BRMS1L: variants seen among roughly 807,000 people sequenced by gnomAD.
The protein encoded by BRMS1L is breast cancer metastasis-suppressor 1-like protein.
In BRMS1L, 23 loss-of-function variants were observed where a neutral mutation model predicts 50.3. The observed-to-expected ratio is 0.46, with a 90% CI of 0.33 to 0.65. BRMS1L has a LOEUF of 0.65. Among genes scored for constraint, BRMS1L ranks in the 30% least tolerant of loss-of-function variants. The pLI is 0.02. For synonymous variants in BRMS1L, 114 were observed against 126.9 expected, an observed-to-expected ratio of 0.90 and a Z score of 0.69; for missense variants, 286 against 386.1, an observed-to-expected ratio of 0.74 and a Z score of 2.17.
chr14:35,844,921 C>T (rs1222259463), intron 4 of BRMS1L, among the ~76,000 whole-genome samples: 1 of 152,122 alleles, frequency 6.6e-6, no homozygotes, highest in Non-Finnish European at 1.5e-5. Flanking sequence ...CACTGTATCG[C>T]CCAGGCTGGA....
chr14:35,841,485 G>A (rs1342463256), intron 4 of BRMS1L, among the ~76,000 whole-genome samples: 1 of 152,056 alleles, frequency 6.6e-6, no homozygotes, highest in Non-Finnish European at 1.5e-5. Flanking sequence ...TTTTAGTAGA[G>A]ATGGGGTTTC....
intron 4 of BRMS1L, among the ~76,000 whole-genome samples, chr14:35,846,403 A>G (rs1202421928): frequency 1.3e-5 from 2 of 151,876 alleles, no homozygotes; most frequent in African/African-American, 2.4e-5. Context: ...CTAAAAAAAA[A>G]AAAAAAGAAA....
chr14:35,830,725 T>C (rs1403038209), intron 1 of BRMS1L, among the ~76,000 whole-genome samples: 2 of 152,124 alleles, frequency 1.3e-5, no homozygotes, highest in Admixed American at 1.3e-4. Context: ...ATCCCAAAAA[T>C]GTTTTTGAGC....
At chr14:35,829,476 A>T (rs1207274629) in intron 1 of BRMS1L, among the ~76,000 whole-genome samples, 1 of 152,238 alleles carries the variant, frequency 6.6e-6, no homozygotes, top group Non-Finnish European at 1.5e-5. Context: ...TTTTAAGTGC[A>T]AAGAAATTGT....
chr14:35,862,670 C>G lies in BRMS1L; in HGVS notation c.522C>G (p.Ser174Arg), dbSNP rs2078367814. ...GAAGGCTTGAAGAGGATAGGCACAG[C>G]ATTGATATTACCTCAGGTAAGGAGA... Reference protein sequence around the residue: ...KIRRLEEDRHSIDITSELWND... With the variant: ...KIRRLEEDRHRIDITSELWND... The change falls in exon 5 of 10, where the codon AGC becomes AGG. Residue 174 changes from serine to arginine, a missense_variant. Ser to Arg is a moderately radical substitution (Grantham distance 110). Transcript: ENST00000216807. The G allele has an allele frequency of 6.2e-7, 1 of 1,608,030 alleles. No homozygotes were observed. The highest frequency in any genetic ancestry group is 1.3e-5 in the African/African-American group (1 of 74,738).
At chr14:35,844,065 T>C (rs1397405928) in intron 4 of BRMS1L, among the ~76,000 whole-genome samples, 1 of 152,196 alleles carries the variant, frequency 6.6e-6, no homozygotes, top group Non-Finnish European at 1.5e-5. Flanking sequence ...CCAGGTCAAC[T>C]TCAGACTGCT....
chr14:35,870,533 C>G lies in BRMS1L; in HGVS notation c.*56C>G. 1 of 1,055,374 alleles carries G rather than the reference C, an allele frequency of 9.5e-7. No homozygotes were observed. Among genetic ancestry groups the G allele is most frequent in the Admixed American group, 2.1e-5 (1 of 46,610 alleles). The allele number at this position is 1,055,374 out of a possible 1,614,324, so 65.4% of individuals were successfully genotyped here. ...TATTAGTGTTACCAAATGTAAGTGC[C>G]ATGAGAGTAAAAAAATGTATTCAAT... is the stretch of plus-strand genomic sequence containing the variant. On this transcript the variant is annotated 3_prime_UTR_variant, in exon 10 of 10. Transcript: ENST00000216807.
intron 4 of BRMS1L, among the ~76,000 whole-genome samples, chr14:35,837,317 T>C (rs927579161): frequency 3.7e-4 from 56 of 152,256 alleles, no homozygotes; most frequent in African/African-American, 1.3e-3. Flanking sequence ...ATAGGTAATG[T>C]CAACACTATT....
At chr14:35,846,861 T>C (rs1329288617) in intron 4 of BRMS1L, among the ~76,000 whole-genome samples, 1 of 152,140 alleles carries the variant, frequency 6.6e-6, no homozygotes, top group African/African-American at 2.4e-5. Context: ...TTTATATAAA[T>C]ATGGACTCCT....
rs1594354879 is a variant in BRMS1L, at chr14:35,871,547, C to T, written c.*1070C>T. The T allele has an allele frequency of 6.6e-6, 1 of 152,628 alleles. No homozygotes were observed. Among genetic ancestry groups the T allele is most frequent in the African/African-American group, 2.4e-5 (1 of 41,452 alleles). The allele number at this position is 152,628 out of a possible 1,614,324, so 9.5% of individuals were successfully genotyped here. ...AATTGAAACCCTCAATATGGCAGCA[C>T]AGCCGGCTGTAGTGTATATTTAGGG... is the stretch of plus-strand genomic sequence containing the variant. On this transcript the variant is annotated 3_prime_UTR_variant, in exon 10 of 10. Coordinates refer to ENST00000216807, the MANE Select transcript of BRMS1L (RefSeq NM_032352.4).
intron 4 of BRMS1L, among the ~76,000 whole-genome samples, chr14:35,854,210 A>G (rs935343818): frequency 6.6e-6 from 1 of 152,148 alleles, no homozygotes; most frequent in African/African-American, 2.4e-5. Context: ...TTGCTTCTTA[A>G]AGAACATCCT....
chr14:35,856,742 G>T (rs1243932193), intron 4 of BRMS1L, among the ~76,000 whole-genome samples: 1 of 151,904 alleles, frequency 6.6e-6, no homozygotes, highest in Non-Finnish European at 1.5e-5. Context: ...GTCCTGAGTA[G>T]CTGGGATTAC....
chr14:35,837,080 C>A (rs904789692), intron 4 of BRMS1L, among the ~76,000 whole-genome samples: 2 of 150,890 alleles, frequency 1.3e-5, no homozygotes, highest in Non-Finnish European at 3.0e-5. Context: ...TATGATGAAA[C>A]CCTGTTTCTA....
At chr14:35,829,092 C>T (rs989444013) in intron 1 of BRMS1L, among the ~76,000 whole-genome samples, 4 of 152,026 alleles carry the variant, frequency 2.6e-5, no homozygotes, top group Admixed American at 2.6e-4. Context: ...CAGGCATCCT[C>T]CAACACACCC....
rs748253982 is a variant in BRMS1L, at chr14:35,862,605, C to T, written c.457C>T (p.Leu153=). The change falls in exon 5 of 10, where the codon CTA becomes TTA. Residue 153 remains leucine, a synonymous_variant. Transcript: ENST00000216807. ...RQHCESEKLL[L]YDTVQSELEE... Reference sequence around the variant, plus strand: ...TTCTCCCCAGAGCGAAAAGCTGTTGCTATATGATACAGTCCAGAGTGAACT... The same window carrying T: ...TTCTCCCCAGAGCGAAAAGCTGTTGTTATATGATACAGTCCAGAGTGAACT... 1.9e-6 allele frequency: 3 copies of T among 1,592,168 alleles called. No homozygotes were observed. Among genetic ancestry groups the T allele is most frequent in the South Asian group, 1.2e-5 (1 of 85,928 alleles).
At chr14:35,869,158 GC>G (rs2078457157) in intron 9 of BRMS1L, among the ~76,000 whole-genome samples, 1 of 152,096 alleles carries the variant, frequency 6.6e-6, no homozygotes, top group African/African-American at 2.4e-5. Context: ...TCTTATAGAA[GC>G]TCATTGAACT....
intron 4 of BRMS1L, among the ~76,000 whole-genome samples, chr14:35,852,787 C>T (rs1487365487): frequency 3.3e-5 from 5 of 151,982 alleles, no homozygotes; most frequent in African/African-American, 9.7e-5. Context: ...AAAAATCAGC[C>T]GGGCGCGGTG....
At chr14:35,833,222 C>A in intron 3 of BRMS1L, 117 bp downstream of exon 3, 2 of 1,071,546 alleles carry the variant, frequency 1.9e-6, no homozygotes, top group Non-Finnish European at 2.6e-6. Flanking sequence ...TTACATCGAC[C>A]AGAATATTTT....
At chr14:35,829,840 T>C in intron 1 of BRMS1L, 2 of 1,258,108 alleles carry the variant, frequency 1.6e-6, no homozygotes, top group Non-Finnish European at 2.0e-6. Flanking sequence ...CATTTTGTGC[T>C]TCAGTTATTT....
Sources: gnomAD v4.1 joint callset for allele counts (sites outside exome capture counted in the v4.1 genomes callset) on GRCh38, gnomAD v4.1.1 for gene constraint, MANE v1.5 for transcripts, NCBI Gene and HGNC (gene_info 2026-07-23, HGNC 2026-07-21) for gene names.